CYP2J2: variants seen among roughly 807,000 people sequenced by gnomAD.
The protein encoded by CYP2J2 is cytochrome P450 family 2 subfamily J member 2.
CYP2J2 carries 41 observed loss-of-function variants against 48.8 expected under a neutral mutation model. The observed-to-expected ratio is 0.84, with a 90% CI of 0.66 to 1.09. CYP2J2 has a LOEUF of 1.09. Ranked by LOEUF, CYP2J2 falls within the 50% of genes least tolerant of loss-of-function variation. The probability of loss-of-function intolerance (pLI) is 0.00; values close to 1 mark genes in which losing one functional copy is unlikely to be tolerated. For missense variants in CYP2J2, 644 were observed against 617.3 expected (o/e 1.04, Z -0.46); for synonymous variants, 221 against 227.1 (o/e 0.97, Z 0.24).
intron 7 of CYP2J2, among the ~76,000 whole-genome samples, chr1:59,901,696 G>A (rs543575419): frequency 7.9e-5 from 12 of 152,222 alleles, no homozygotes; most frequent in South Asian, 2.1e-4. Context: ...TTACTCTGTC[G>A]TTATCCAACC....
At chr1:59,960,538 T>C in the CYP2J2 span, among the ~76,000 whole-genome samples, 2 of 152,216 alleles carry the variant, frequency 1.3e-5, no homozygotes, top group South Asian at 2.1e-4. Flanking sequence ...TGGAAATTAA[T>C]AGGGGCTTAA....
the CYP2J2 span, among the ~76,000 whole-genome samples, chr1:59,947,126 T>C: frequency 6.6e-6 from 1 of 152,110 alleles, no homozygotes; most frequent in Admixed American, 6.6e-5. Flanking sequence ...CTTTTATTTC[T>C]CCACTGTGCT....
chr1:59,916,134 G>A (rs760342409), intron 1 of CYP2J2, 34 bp from the exon 2 acceptor site: 1 of 1,572,028 alleles, frequency 6.4e-7, no homozygotes, highest in South Asian at 1.1e-5. Context: ...AGTTGAATAT[G>A]CACATGTCCA....
intron 2 of CYP2J2, among the ~76,000 whole-genome samples, chr1:59,913,664 A>G (rs1343528968): frequency 6.6e-6 from 1 of 152,134 alleles, no homozygotes; most frequent in Non-Finnish European, 1.5e-5. Context: ...CACTGCTACT[A>G]TCTTGGACTA....
At chr1:59,931,470 AT>A (rs202198893), upstream of CYP2J2, among the ~76,000 whole-genome samples, 2 of 151,884 alleles carry the variant, frequency 1.3e-5, no homozygotes, top group African/African-American at 2.4e-5. Flanking sequence ...CATTGTGTAC[AT>A]TTTTTTTAAA....
chr1:59,919,440 C>T lies in CYP2J2; in HGVS notation c.211-3340G>A, dbSNP rs1045868542. Among the ~76,000 whole-genome samples, 5 of 152,194 alleles carry T rather than the reference C, an allele frequency of 3.3e-5. No homozygotes were observed. In the East Asian group the frequency reaches 5.8e-4, roughly 18 times the overall value. Reference sequence around the variant, plus strand: ...GTATGTGTGTGTGTGCACATGTGCACGTGTGCACGCATGCACAGTGGTGGC... The same window carrying T: ...GTATGTGTGTGTGTGCACATGTGCATGTGTGCACGCATGCACAGTGGTGGC... On this transcript the variant is annotated intron_variant, in intron 1 of 8. Coordinates refer to ENST00000371204, the MANE Select transcript of CYP2J2 (RefSeq NM_000775.4).
At chr1:59,965,674 C>T in the CYP2J2 span, among the ~76,000 whole-genome samples, 3 of 152,006 alleles carry the variant, frequency 2.0e-5, no homozygotes, top group Non-Finnish European at 4.4e-5. Flanking sequence ...GTTTTTGAGA[C>T]AGAGTCTCAC....
At chr1:59,951,955 G>A in the CYP2J2 span, among the ~76,000 whole-genome samples, 2 of 152,118 alleles carry the variant, frequency 1.3e-5, no homozygotes, top group Non-Finnish European at 2.9e-5. Flanking sequence ...CTATGGCTTT[G>A]ACCACTCTAC....
chr1:59,935,037 TATATATATATATATAC>T, the CYP2J2 span, among the ~76,000 whole-genome samples: 24 of 96,204 alleles, frequency 2.5e-4, no homozygotes, highest in African/African-American at 9.1e-4. Context: ...TATATATATA[TATATATATATATATAC>T]ACAACAGAAT....
upstream of CYP2J2, among the ~76,000 whole-genome samples, chr1:59,931,082 T>C (rs1278147496): frequency 2.0e-5 from 3 of 152,080 alleles, no homozygotes; most frequent in Non-Finnish European, 2.9e-5. Flanking sequence ...CAACTCTTCT[T>C]AGATTGATAA....
intron 2 of CYP2J2, chr1:59,913,315 T>C (rs560769100): frequency 1.1e-4 from 16 of 152,290 alleles, no homozygotes; most frequent in Non-Finnish European, 2.1e-4. Flanking sequence ...ACTCTATTTC[T>C]GGGAAATCTT....
At chr1:59,936,745 G>T in the CYP2J2 span, among the ~76,000 whole-genome samples, 1 of 152,190 alleles carries the variant, frequency 6.6e-6, no homozygotes, top group Non-Finnish European at 1.5e-5. Flanking sequence ...CAGGTCAAAG[G>T]CTCACTGTCC....
the CYP2J2 span, among the ~76,000 whole-genome samples, chr1:59,955,872 G>GA: frequency 2.6e-5 from 4 of 152,006 alleles, no homozygotes; most frequent in Admixed American, 6.6e-5. Context: ...ACGACACATG[G>GA]AAAAATGCTA....
intron 1 of CYP2J2, among the ~76,000 whole-genome samples, chr1:59,917,118 A>C: frequency 6.6e-6 from 1 of 152,094 alleles, no homozygotes. Context: ...TTTGAGCCTC[A>C]ACTCCCCAGC....
At chr1:59,914,174 T>A (rs1252768763) in intron 2 of CYP2J2, among the ~76,000 whole-genome samples, 1 of 152,236 alleles carries the variant, frequency 6.6e-6, no homozygotes, top group Non-Finnish European at 1.5e-5. Context: ...TATAGTTAAC[T>A]GATACTATTT....
At chr1:59,933,696 C>A in the CYP2J2 span, among the ~76,000 whole-genome samples, 1 of 152,004 alleles carries the variant, frequency 6.6e-6, no homozygotes, top group Non-Finnish European at 1.5e-5. Context: ...AAGATTTGTG[C>A]ATTGAAAACT....
chr1:59,942,042 G>A, the CYP2J2 span, among the ~76,000 whole-genome samples: 274 of 152,252 alleles, frequency 1.8e-3, no homozygotes, highest in Middle Eastern at 0.01. Context: ...AGCGCCATTC[G>A]TGATAAGTGC....
the CYP2J2 span, among the ~76,000 whole-genome samples, chr1:59,967,480 C>G: frequency 6.6e-6 from 1 of 152,222 alleles, no homozygotes; most frequent in Non-Finnish European, 1.5e-5. Context: ...GTTATCAAGG[C>G]GTGCTGTGGG....
the CYP2J2 span, among the ~76,000 whole-genome samples, chr1:59,960,919 T>C: frequency 6.6e-6 from 1 of 152,164 alleles, no homozygotes; most frequent in Admixed American, 6.5e-5. Context: ...TTTCAACAAA[T>C]GGTGGAACTG....
Sources: allele counts gnomAD v4.1 joint callset (sites outside exome capture counted in the v4.1 genomes callset), GRCh38; gene constraint gnomAD v4.1.1; transcripts MANE v1.5; gene names NCBI Gene and HGNC (gene_info 2026-07-23, HGNC 2026-07-21).